Variants in SMYD3 observed in about 807,000 individuals in gnomAD.
The protein encoded by SMYD3 is SET and MYND domain containing 3.
A neutral mutation model predicts 57.7 loss-of-function variants in SMYD3; 36 were observed. The observed-to-expected ratio is 0.62, with a 90% confidence interval of 0.48 to 0.82. The LOEUF (loss-of-function observed/expected upper bound fraction) is 0.82. SMYD3 is among the 40% of genes least tolerant of loss of function. SMYD3 has a pLI of 0.00. For synonymous variants in SMYD3, 211 were observed against 195.0 expected (o/e 1.08, Z -0.68); for missense variants, 515 against 538.8 (o/e 0.96, Z 0.44).
intron 10 of SMYD3, among the ~76,000 whole-genome samples, chr1:245,796,044 C>A (rs1368691728): frequency 6.6e-6 from 1 of 152,144 alleles, no homozygotes; most frequent in East Asian, 1.9e-4. Flanking sequence ...ACAGGCCACA[C>A]TTCTTTTTGG....
At chr1:246,039,096 A>G (rs1365360759) in intron 5 of SMYD3, among the ~76,000 whole-genome samples, 1 of 152,176 alleles carries the variant, frequency 6.6e-6, no homozygotes, top group Non-Finnish European at 1.5e-5. Flanking sequence ...CACAGTTATA[A>G]GTGAAGGAAC....
intron 5 of SMYD3, among the ~76,000 whole-genome samples, chr1:246,324,416 C>CAAAA (rs897518368): frequency 7.1e-5 from 3 of 42,548 alleles, no homozygotes; most frequent in African/African-American, 6.8e-5. Flanking sequence ...AACTCCATCT[C>CAAAA]AAAAAAAAAA....
chr1:246,481,607 T>TATATATATATACAC (rs1156393004), intron 1 of SMYD3, among the ~76,000 whole-genome samples: 5 of 61,976 alleles, frequency 8.1e-5, no homozygotes, highest in South Asian at 1.1e-3. Flanking sequence ...TATATATATA[T>TATATATATATACAC]ACACATACAT....
intron 8 of SMYD3, among the ~76,000 whole-genome samples, chr1:245,872,608 G>T (rs1006387941): frequency 5.9e-5 from 9 of 152,298 alleles, no homozygotes; most frequent in Middle Eastern, 6.8e-3. Context: ...CTCGTGGTGA[G>T]GAGAAGAAGT....
chr1:245,899,253 A>G (rs1168764712), intron 8 of SMYD3, among the ~76,000 whole-genome samples: 1 of 151,340 alleles, frequency 6.6e-6, no homozygotes, highest in South Asian at 2.1e-4. Context: ...TTACCTCTGT[A>G]TTTTTTTTTG....
chr1:245,934,714 G>T (rs2056905247), intron 5 of SMYD3, among the ~76,000 whole-genome samples: 1 of 152,240 alleles, frequency 6.6e-6, no homozygotes, highest in South Asian at 2.1e-4. Context: ...AGTGTTACCG[G>T]AAGGTTTACG....
At chr1:246,423,159 T>C (rs2067167522) in intron 1 of SMYD3, among the ~76,000 whole-genome samples, 2 of 152,032 alleles carry the variant, frequency 1.3e-5, no homozygotes, top group Admixed American at 6.5e-5. Flanking sequence ...TAGCCGGGCA[T>C]GGTGGCGCAT....
chr1:246,183,255 A>G (rs2062582289), intron 5 of SMYD3, among the ~76,000 whole-genome samples: 1 of 152,118 alleles, frequency 6.6e-6, no homozygotes. Context: ...AATACTTTTC[A>G]ATTAGACTAA....
intron 1 of SMYD3, among the ~76,000 whole-genome samples, chr1:246,404,314 C>G (rs1039321180): frequency 1.3e-5 from 2 of 152,140 alleles, no homozygotes; most frequent in African/African-American, 4.8e-5. Flanking sequence ...TTTCCTCCAG[C>G]CTGAAAACTG....
At chr1:245,780,355 T>C (rs1196913875) in intron 10 of SMYD3, among the ~76,000 whole-genome samples, 7 of 152,220 alleles carry the variant, frequency 4.6e-5, no homozygotes, top group Non-Finnish European at 7.3e-5. Context: ...AGGAATGAAG[T>C]GTTTATACAT....
At chr1:246,040,852 C>T (rs1330617214) in intron 5 of SMYD3, among the ~76,000 whole-genome samples, 3 of 152,064 alleles carry the variant, frequency 2.0e-5, no homozygotes, top group African/African-American at 4.8e-5. Flanking sequence ...TGTAAAATAT[C>T]GCACAAATAG....
intron 5 of SMYD3, among the ~76,000 whole-genome samples, chr1:246,078,052 G>A (rs2060576647): frequency 1.3e-5 from 2 of 151,894 alleles, no homozygotes; most frequent in Admixed American, 6.6e-5. Context: ...TATACACACA[G>A]ATACACACAT....
At chr1:245,956,252 A>G (rs1026596630) in intron 5 of SMYD3, 3 of 159,124 alleles carry the variant, frequency 1.9e-5, no homozygotes, top group African/African-American at 7.2e-5. Context: ...CTACTAATGT[A>G]TATGGCACAT....
At chr1:245,876,529 TTTC>T (rs2052496528) in intron 8 of SMYD3, among the ~76,000 whole-genome samples, 2 of 152,228 alleles carry the variant, frequency 1.3e-5, no homozygotes, top group Non-Finnish European at 2.9e-5. Flanking sequence ...TGGTTTTGCT[TTTC>T]TTTTTTCTTG....
At chr1:246,095,367 G>A (rs1046391717) in intron 5 of SMYD3, among the ~76,000 whole-genome samples, 2 of 152,222 alleles carry the variant, frequency 1.3e-5, no homozygotes, top group African/African-American at 4.8e-5. Context: ...TAATGTGCTA[G>A]GCACTCCAAG....
At chr1:246,423,752 G>C (rs2067179733) in intron 1 of SMYD3, among the ~76,000 whole-genome samples, 1 of 152,072 alleles carries the variant, frequency 6.6e-6, no homozygotes, top group Non-Finnish European at 1.5e-5. Flanking sequence ...AGAAAATAGG[G>C]AGCAGGTAAG....
intron 5 of SMYD3, among the ~76,000 whole-genome samples, chr1:245,979,504 G>A (rs2058543203): frequency 6.6e-6 from 1 of 152,126 alleles, no homozygotes; most frequent in South Asian, 2.1e-4. Flanking sequence ...CACAAGGAGA[G>A]TTCCACATGA....
intron 11 of SMYD3, among the ~76,000 whole-genome samples, chr1:245,762,886 C>T (rs1337186117): frequency 6.6e-6 from 1 of 152,122 alleles, no homozygotes; most frequent in Non-Finnish European, 1.5e-5. Context: ...GCATGGCGGC[C>T]CAGAGGGTCC....
At chr1:245,792,559 T>G (rs2047321254) in intron 10 of SMYD3, among the ~76,000 whole-genome samples, 1 of 152,190 alleles carries the variant, frequency 6.6e-6, no homozygotes, top group Non-Finnish European at 1.5e-5. Flanking sequence ...ATTCCACAAC[T>G]TCTCAGTTAG....
Sources: gnomAD v4.1 joint callset for allele counts (sites outside exome capture counted in the v4.1 genomes callset) on GRCh38, gnomAD v4.1.1 for gene constraint, MANE v1.5 for transcripts, NCBI Gene and HGNC (gene_info 2026-07-23, HGNC 2026-07-21) for gene names.